Variants in RNF128 observed in about 807,000 individuals in gnomAD.
RNF128 encodes the protein ring finger protein 128.
A neutral mutation model predicts 26.2 loss-of-function variants in RNF128; 13 were observed. The ratio of observed to expected loss-of-function variants is 0.50; its 90% CI spans 0.32 to 0.79. RNF128 has a LOEUF of 0.79. RNF128 is among the 30% of genes least tolerant of loss of function. RNF128 has a pLI of 0.03. For synonymous variants in RNF128, 149 were observed against 142.5 expected (o/e 1.05, Z -0.32); for missense variants, 315 against 349.7 (o/e 0.90, Z 0.79).
In RNF128 at chrX:106,795,624, G is replaced by A; in HGVS notation, c.1198G>A (p.Val400Met). The change falls in exon 7 of 7, where the codon GTG (valine) becomes ATG (methionine). Residue 400 changes from valine (V) to methionine (M), a missense_variant. Coordinates refer to ENST00000255499, the MANE Select transcript of RNF128 (RefSeq NM_194463.2). ...AAACCATGAAGCAAATTCTGTGGCA[G>A]TGGATGTTATTCCTCATGTTGACAA... is the stretch of plus-strand genomic sequence containing the variant. The part of the protein sequence containing the change: ...LVNHEANSVA[V>M]DVIPHVDNPT... The A allele has an allele frequency of 8.3e-7, 1 of 1,199,705 alleles. No individual in the cohort carries two copies. Among genetic ancestry groups the A allele is most frequent in the Non-Finnish European group, 1.1e-6 (1 of 888,719 alleles).
chrX:106,704,094 A>G (rs1929001586), intron 1 of RNF128, among the ~76,000 whole-genome samples: 3 of 110,119 alleles, frequency 2.7e-5, no homozygotes, highest in Non-Finnish European at 5.7e-5. Flanking sequence ...AGAGGTTATT[A>G]AAACCAAATG....
At chrX:106,740,161 T>C (rs1307319180) in intron 1 of RNF128, among the ~76,000 whole-genome samples, 1 of 112,063 alleles carries the variant, frequency 8.9e-6, no homozygotes, top group Non-Finnish European at 1.9e-5. Flanking sequence ...AGCAGCATGC[T>C]CAAAACAATG....
At chrX:106,771,288 C>T (rs1930365007) in intron 1 of RNF128, among the ~76,000 whole-genome samples, 1 of 112,766 alleles carries the variant, frequency 8.9e-6, no homozygotes, top group Non-Finnish European at 1.9e-5. Context: ...AGCTGTCAGA[C>T]AGGGATGTTT....
chrX:106,762,641 G>T (rs1351086884), intron 1 of RNF128, among the ~76,000 whole-genome samples: 1 of 110,764 alleles, frequency 9.0e-6, no homozygotes, highest in East Asian at 2.9e-4. Context: ...TTTATTTTAG[G>T]CTCAAGGACA....
intron 1 of RNF128, among the ~76,000 whole-genome samples, chrX:106,711,465 C>T (rs1322926219): frequency 8.9e-6 from 1 of 111,996 alleles, no homozygotes; most frequent in African/African-American, 3.2e-5. Context: ...GTGAGCCAGA[C>T]TTATCCATAC....
At chrX:106,706,071 CT>C (rs1448129089) in intron 1 of RNF128, among the ~76,000 whole-genome samples, 1 of 111,694 alleles carries the variant, frequency 9.0e-6, no homozygotes, top group Non-Finnish European at 1.9e-5. Context: ...GGCCTCTAAC[CT>C]GATGCATTAC....
At chrX:106,745,862 C>G (rs1483162548) in intron 1 of RNF128, among the ~76,000 whole-genome samples, 1 of 110,603 alleles carries the variant, frequency 9.0e-6, no homozygotes, top group Non-Finnish European at 1.9e-5. Flanking sequence ...TGAAAAATCA[C>G]TACTTAGGAT....
At chrX:106,736,493 G>T (rs1360980254) in intron 1 of RNF128, among the ~76,000 whole-genome samples, 3 of 110,774 alleles carry the variant, frequency 2.7e-5, no homozygotes, top group African/African-American at 3.3e-5. Flanking sequence ...CAAAAATTTT[G>T]TGCTTCCTTC....
chrX:106,762,415 G>A (rs1374809785), intron 1 of RNF128, among the ~76,000 whole-genome samples: 1 of 109,150 alleles, frequency 9.2e-6, no homozygotes, highest in Non-Finnish European at 1.9e-5. Context: ...TCGGGTTCAA[G>A]CGATTCTCCT....
At chrX:106,727,472 C>G (rs1420507719) in intron 1 of RNF128, 75 bp downstream of exon 1, 2 of 1,135,919 alleles carry the variant, frequency 1.8e-6, no homozygotes, top group Non-Finnish European at 2.4e-6. Flanking sequence ...TCATTGCCCT[C>G]CTCGTCCTAT....
chrX:106,731,282 A>G (rs1602370991), intron 1 of RNF128, among the ~76,000 whole-genome samples: 1 of 111,585 alleles, frequency 9.0e-6, no homozygotes, highest in Non-Finnish European at 1.9e-5. Flanking sequence ...ACTGAATTTT[A>G]ACAGGAAAAA....
chrX:106,726,496 T>G (rs1262486217), upstream of RNF128, among the ~76,000 whole-genome samples: 1 of 112,056 alleles, frequency 8.9e-6, no homozygotes, highest in African/African-American at 3.2e-5. Context: ...TTTGCGGACT[T>G]TATCGTTCCT....
intron 1 of RNF128, among the ~76,000 whole-genome samples, chrX:106,760,095 A>C (rs369567328): frequency 5.4e-5 from 6 of 111,610 alleles, no homozygotes; most frequent in Admixed American, 3.8e-4. Flanking sequence ...TAAAAATTTT[A>C]TAAAAAGAAT....
chrX:106,693,980 T>C (rs1025255744), exon 1 of RNF128: 1 of 1,160,258 alleles, frequency 8.6e-7, no homozygotes, highest in Non-Finnish European at 1.2e-6. Context: ...ACATCTTAAA[T>C]TTTATACTCA....
At chrX:106,781,619 G>C (rs901810014) in intron 2 of RNF128, among the ~76,000 whole-genome samples, 2 of 111,600 alleles carry the variant, frequency 1.8e-5, no homozygotes, top group Non-Finnish European at 1.9e-5. Flanking sequence ...TCTAAAAATA[G>C]TTTGTGCTTT....
At chrX:106,746,901 C>T (rs5916767) in intron 1 of RNF128, among the ~76,000 whole-genome samples, 1 of 110,165 alleles carries the variant, frequency 9.1e-6, no homozygotes, top group African/African-American at 3.3e-5. Flanking sequence ...AGAATTTCTC[C>T]TAGAATTGGA....
chrX:106,781,818 C>T (rs1376178610), intron 2 of RNF128, among the ~76,000 whole-genome samples: 1 of 111,431 alleles, frequency 9.0e-6, no homozygotes, highest in East Asian at 2.8e-4. Context: ...AATCTCTTGT[C>T]TAGTGTCTTC....
intron 1 of RNF128, among the ~76,000 whole-genome samples, chrX:106,709,501 G>A (rs188056477): frequency 3.4e-3 from 382 of 110,869 alleles, no homozygotes; most frequent in Non-Finnish European, 5.1e-3. Flanking sequence ...AAGCTGTGGT[G>A]GTTTTGTGTT....
intron 2 of RNF128, among the ~76,000 whole-genome samples, chrX:106,776,291 T>C (rs1930463523): frequency 8.9e-6 from 1 of 112,330 alleles, no homozygotes; most frequent in Non-Finnish European, 1.9e-5. Context: ...ACAATGCATG[T>C]GTTGGATTAA....
Sources: allele counts gnomAD v4.1 joint callset (sites outside exome capture counted in the v4.1 genomes callset), GRCh38; gene constraint gnomAD v4.1.1; transcripts MANE v1.5; gene names NCBI Gene and HGNC (gene_info 2026-07-23, HGNC 2026-07-21).